Variants in TIGD4 observed in about 807,000 individuals in gnomAD.
TIGD4 encodes tigger transposable element-derived protein 4.
A neutral mutation model predicts 24.9 loss-of-function variants in TIGD4; 20 were observed. That is an observed-to-expected ratio of 0.80 (90% CI 0.56 to 1.17). The LOEUF (loss-of-function observed/expected upper bound fraction) is 1.17. Among genes scored for constraint, TIGD4 ranks in the 50% most tolerant of loss-of-function variants. The probability of loss-of-function intolerance (pLI) is 0.00; values close to 1 mark genes in which losing one functional copy is unlikely to be tolerated. For synonymous variants in TIGD4, 193 were observed against 211.0 expected (o/e 0.91, Z 0.74); for missense variants, 566 against 591.0 (o/e 0.96, Z 0.44).
chr4:152,773,587 A>G (rs370662368), intron 1 of TIGD4, among the ~76,000 whole-genome samples: 146 of 149,534 alleles, frequency 9.8e-4, no homozygotes, highest in African/African-American at 3.4e-3. Flanking sequence ...TCCTGTGACC[A>G]TAGTTACGGA....
chr4:152,773,634 C>A, intron 1 of TIGD4, among the ~76,000 whole-genome samples: 1 of 127,100 alleles, frequency 7.9e-6, no homozygotes, highest in African/African-American at 3.1e-5. Flanking sequence ...CCAGCATTTC[C>A]AATGCCTTAA....
At chr4:152,771,774 AAT>A (rs1352805755) in intron 1 of TIGD4, among the ~76,000 whole-genome samples, 1 of 152,124 alleles carries the variant, frequency 6.6e-6, no homozygotes, top group Non-Finnish European at 1.5e-5. Context: ...AATGCTTTAT[AAT>A]ATATAGTTCT....
chr4:152,769,852 C>T lies in TIGD4; in HGVS notation c.1153G>A (p.Gly385Arg), dbSNP rs1210915904. ...YEEAGFKSQK[G>R]ESDITNAEKD... ...TCTGCATTTGTTATGTCACTTTCTC[C>T]CTTTTGAGATTTGAATCCTGCCTCT... Residue 385 changes from glycine (G) to arginine (R), a missense_variant, in exon 2 of 2, where the codon GGA (glycine) becomes AGA (arginine). Transcript: ENST00000304337. The T allele has an allele frequency of 3.1e-6, 5 of 1,613,046 alleles. No individual in the cohort carries two copies. Among genetic ancestry groups the T allele is most frequent in the Non-Finnish European group, 3.4e-6 (4 of 1,179,504 alleles).
intron 1 of TIGD4, among the ~76,000 whole-genome samples, chr4:152,772,790 C>T (rs1730199082): frequency 6.6e-6 from 1 of 152,004 alleles, no homozygotes; most frequent in African/African-American, 2.4e-5. Context: ...CGGCTCACTG[C>T]AACCTCTGCC....
chr4:152,774,559 T>C (rs1378898691), intron 1 of TIGD4, among the ~76,000 whole-genome samples: 1 of 152,208 alleles, frequency 6.6e-6, no homozygotes, highest in Non-Finnish European at 1.5e-5. Context: ...CTCTTGAAAA[T>C]ATTACAGCAG....
At position 152,771,124 on chromosome 4, in the gene TIGD4, A is replaced by T; in HGVS notation, c.-120T>A. 1 of 1,258,732 alleles carries T rather than the reference A, an allele frequency of 7.9e-7. No individual in the cohort carries two copies. The highest frequency in any genetic ancestry group is 1.1e-6 in the Non-Finnish European group (1 of 950,832). 78.0% of individuals were successfully genotyped at this position (1,258,732 alleles called of 1,614,324 possible). ...TTTCTATCCTACTTTATACACTAAAAGTTGGTGTCTAATAGTCTTATTTTG... is the reference window on the plus strand; with the variant it reads ...TTTCTATCCTACTTTATACACTAAATGTTGGTGTCTAATAGTCTTATTTTG... On this transcript the variant is annotated 5_prime_UTR_variant, in exon 2 of 2. Transcript: ENST00000304337.
chr4:152,776,287 A>G (rs965606258), intron 1 of TIGD4, among the ~76,000 whole-genome samples: 49 of 152,192 alleles, frequency 3.2e-4, no homozygotes, highest in African/African-American at 1.2e-3. Context: ...ATTGACCAAA[A>G]TGTTGAATGT....
Position 152,771,132 on chromosome 4 carries a change from T to A in TIGD4, c.-128A>T. The A allele has an allele frequency of 8.8e-7, 1 of 1,140,702 alleles. No individual in the cohort carries two copies. The highest frequency in any genetic ancestry group is 1.2e-6 in the Non-Finnish European group (1 of 852,612). The allele number at this position is 1,140,702 out of a possible 1,614,324, so 70.7% of individuals were successfully genotyped here. Reference sequence around the variant, plus strand: ...CTACTTTATACACTAAAAGTTGGTGTCTAATAGTCTTATTTTGTAGGAACT... The same window carrying A: ...CTACTTTATACACTAAAAGTTGGTGACTAATAGTCTTATTTTGTAGGAACT... On this transcript the variant is annotated 5_prime_UTR_variant, in exon 2 of 2. Transcript: ENST00000304337.
chr4:152,769,871 T>C lies in TIGD4; in HGVS notation c.1134A>G (p.Ala378=). The change falls in exon 2 of 2, where the codon GCA becomes GCG. Residue 378 remains alanine (A), a synonymous_variant. Transcript: ENST00000304337. ...TTTCTCCCTTTTGAGATTTGAATCC[T>C]GCCTCTTCATAGCTTTTAACAATAG... is the stretch of plus-strand genomic sequence containing the variant. ...PETIVKSYEE[A]GFKSQKGESD... 1.2e-6 allele frequency: 2 copies of C among 1,613,364 alleles called. No homozygotes were observed. The highest frequency in any genetic ancestry group is 2.2e-5 in the South Asian group (2 of 91,024).
In TIGD4 at chr4:152,769,880, AT is replaced by A. The variant is rs1730131234; in HGVS notation, c.1124del (p.Tyr375LeufsTer15). 6 of 1,613,384 alleles carry A rather than the reference AT, an allele frequency of 3.7e-6. No individual in the cohort carries two copies. The highest frequency in any genetic ancestry group is 5.1e-6 in the Non-Finnish European group (6 of 1,179,584). On this transcript the variant is annotated frameshift_variant, in exon 2 of 2. Coordinates refer to ENST00000304337, the MANE Select transcript of TIGD4 (RefSeq NM_145720.4). LOFTEE classifies it low-confidence loss of function (END_TRUNC). ...AVTPETIVKSYEEAGFKSQKG... is the reference protein window; with the variant it reads ...AVTPETIVKSXEEAGFKSQKG... ...TTTGAGATTTGAATCCTGCCTCTTC[AT>A]AGCTTTTAACAATAGTCTCTGGGGT...
rs1295865902 is a variant in TIGD4 at position 152,769,633 on chromosome 4, C to T, written c.1372G>A (p.Asp458Asn). The T allele has an allele frequency of 2.5e-6, 4 of 1,613,462 alleles. No individual in the cohort carries two copies. Among genetic ancestry groups the T allele is most frequent in the Non-Finnish European group, 3.4e-6 (4 of 1,179,712 alleles). Residue 458 changes from aspartate (D) to asparagine (N), a missense_variant, in exon 2 of 2, where the codon GAT becomes AAT. By Grantham distance (23) the Asp-to-Asn change is conservative. Transcript: ENST00000304337. ...ETGFYTSDEE[D>N]DDGSPGTELP... ...TCAGTTCCTGGAGATCCATCATCAT[C>T]CTCTTCATCAGAAGTGTAAAATCCA...
In TIGD4 at chr4:152,769,942, C is replaced by T; in HGVS notation, c.1063G>A (p.Ala355Thr). The change falls in exon 2 of 2, where the codon GCA becomes ACA. Residue 355 changes from alanine to threonine, a missense_variant. Physicochemically the swap from Ala to Thr is moderately conservative, Grantham distance 58 (BLOSUM62 0). Coordinates refer to ENST00000304337, the MANE Select transcript of TIGD4 (RefSeq NM_145720.4). ...SKEFTFSLLDAVDTLHLCWRA... is the reference protein window; with the variant it reads ...SKEFTFSLLDTVDTLHLCWRA... The stretch of plus-strand genomic sequence containing the variant: ...CAGCAAAGATGCAATGTATCAACTG[C>T]ATCTAGTAGTGAAAATGTAAATTCT... The T allele has an allele frequency of 1.9e-6, 3 of 1,613,242 alleles. No homozygotes were observed. The highest frequency in any genetic ancestry group is 1.7e-6 in the Non-Finnish European group (2 of 1,179,256).
At chr4:152,777,012 AC>A (rs1245568687) in intron 1 of TIGD4, among the ~76,000 whole-genome samples, 1 of 152,244 alleles carries the variant, frequency 6.6e-6, no homozygotes, top group Non-Finnish European at 1.5e-5. Context: ...ATAAGAATAG[AC>A]AATAAAGCAT....
In TIGD4 at chr4:152,770,037, A is replaced by T; in HGVS notation, c.968T>A (p.Ile323Asn). The T allele has an allele frequency of 6.2e-7, 1 of 1,612,628 alleles. No homozygotes were observed. Among genetic ancestry groups the T allele is most frequent in the Non-Finnish European group, 8.5e-7 (1 of 1,178,996 alleles). ...SKCIAMKQGVIKSLKIKYRHC... is the reference protein window; with the variant it reads ...SKCIAMKQGVNKSLKIKYRHC... ...TCGATATTTGATTTTAAGGCTTTTA[A>T]TAACACCTTGTTTCATAGCTATACA... The change falls in exon 2 of 2, where the codon ATT becomes AAT. Residue 323 changes from isoleucine to asparagine, a missense_variant. Ile to Asn is a moderately radical substitution (Grantham distance 149). Transcript: ENST00000304337.
At chr4:152,774,047 C>A (rs1730224000) in intron 1 of TIGD4, among the ~76,000 whole-genome samples, 1 of 151,436 alleles carries the variant, frequency 6.6e-6, no homozygotes, top group East Asian at 1.9e-4. Context: ...TTCCTTCCTC[C>A]CTCTCCCAAT....
chr4:152,769,495 T>C lies in TIGD4; in HGVS notation c.1510A>G (p.Asn504Asp). 1 of 1,563,378 alleles carries C rather than the reference T, an allele frequency of 6.4e-7. No individual in the cohort carries two copies. Among genetic ancestry groups the C allele is most frequent in the Non-Finnish European group, 8.7e-7 (1 of 1,156,050 alleles). ...GLQNSLADLENFINSLSPK is the reference protein window; with the variant it reads ...GLQNSLADLEDFINSLSPK ...TTAGGTGATAAAGAGTTAATAAAAT[T>C]TTCAAGGTCTGCTAAAGAATTTTGA... Residue 504 changes from asparagine to aspartate, a missense_variant, in exon 2 of 2, where the codon AAT becomes GAT. By Grantham distance (23) the Asn-to-Asp change is conservative (BLOSUM62 1). Coordinates refer to ENST00000304337, the MANE Select transcript of TIGD4 (RefSeq NM_145720.4).
chr4:152,770,046 T>G lies in TIGD4; in HGVS notation c.959A>C (p.Gln320Pro). 6.2e-7 allele frequency: 1 copy of G among 1,613,304 alleles called. No homozygotes were observed. The highest frequency in any genetic ancestry group is 8.5e-7 in the Non-Finnish European group (1 of 1,179,450). ...CLSSKCIAMKQGVIKSLKIKY... is the reference protein window; with the variant it reads ...CLSSKCIAMKPGVIKSLKIKY... ...GATTTTAAGGCTTTTAATAACACCT[T>G]GTTTCATAGCTATACATTTGGAAGA... Residue 320 changes from glutamine (Q) to proline (P), a missense_variant, in exon 2 of 2, where the codon CAA becomes CCA. Coordinates refer to ENST00000304337, the MANE Select transcript of TIGD4 (RefSeq NM_145720.4).
At chr4:152,774,149 G>T (rs1289493567) in intron 1 of TIGD4, among the ~76,000 whole-genome samples, 1 of 151,488 alleles carries the variant, frequency 6.6e-6, no homozygotes, top group Non-Finnish European at 1.5e-5. Context: ...AAACAGCAAG[G>T]ATTATAGAAA....
chr4:152,769,691 G>T lies in TIGD4; in HGVS notation c.1314C>A (p.Ser438=). ...ETCEAAPNGD[S]ICTKESKSDE... The stretch of plus-strand genomic sequence containing the variant: ...CCGATTTACTTTCTTTGGTGCATAT[G>T]GAATCACCATTTGGTGCTGCTTCAC... The change falls in exon 2 of 2, where the codon TCC becomes TCA. Residue 438 remains serine, a synonymous_variant. Coordinates refer to ENST00000304337, the MANE Select transcript of TIGD4 (RefSeq NM_145720.4). 1 of 1,613,612 alleles carries T rather than the reference G, an allele frequency of 6.2e-7. No individual in the cohort carries two copies. The highest frequency in any genetic ancestry group is 8.5e-7 in the Non-Finnish European group (1 of 1,179,766).
Sources: gnomAD v4.1 joint callset for allele counts (sites outside exome capture counted in the v4.1 genomes callset) on GRCh38, gnomAD v4.1.1 for gene constraint, MANE v1.5 for transcripts, NCBI Gene and HGNC (gene_info 2026-07-23, HGNC 2026-07-21) for gene names.